PBX3: variants seen among roughly 807,000 people sequenced by gnomAD.
PBX3 encodes PBX homeobox 3, also known as pre-B-cell leukemia transcription factor 3.
A neutral mutation model predicts 48.5 loss-of-function variants in PBX3; 14 were observed. The ratio of observed to expected loss-of-function variants is 0.29; its 90% CI spans 0.19 to 0.45. The LOEUF (loss-of-function observed/expected upper bound fraction) is 0.45, where lower values mean the gene tolerates loss of function less well. PBX3 is among the 20% of genes least tolerant of loss of function. The pLI is 1.00. For missense variants in PBX3, 386 were observed against 546.7 expected (o/e 0.71, Z 2.93); for synonymous variants, 210 against 200.3 (o/e 1.05, Z -0.41).
At chr9:125,770,217 A>G (rs946102824) in intron 2 of PBX3, among the ~76,000 whole-genome samples, 1 of 152,202 alleles carries the variant, frequency 6.6e-6, no homozygotes, top group African/African-American at 2.4e-5. Flanking sequence ...TTCAGAAATA[A>G]CAGTAAAGCC....
intron 2 of PBX3, among the ~76,000 whole-genome samples, chr9:125,913,749 A>T (rs1320830677): frequency 6.6e-6 from 1 of 152,156 alleles, no homozygotes; most frequent in Admixed American, 6.5e-5. Flanking sequence ...ACCCGGAGGA[A>T]ACTTGAAGGT....
intron 2 of PBX3, among the ~76,000 whole-genome samples, chr9:125,907,326 A>T (rs1472626580): frequency 1.4e-4 from 22 of 152,100 alleles, no homozygotes; most frequent in Non-Finnish European, 2.9e-5. Flanking sequence ...AATGAATATT[A>T]TGAGAAATTA....
chr9:125,923,665 A>C (rs573163725), intron 3 of PBX3, among the ~76,000 whole-genome samples: 133 of 152,262 alleles, frequency 8.7e-4, no homozygotes, highest in Non-Finnish European at 6.9e-4. Flanking sequence ...TCCTGGGCTC[A>C]AGTGATTCTC....
intron 5 of PBX3, chr9:125,949,300 AG>A: frequency 6.5e-7 from 1 of 1,537,810 alleles, no homozygotes; most frequent in Non-Finnish European, 8.8e-7. Flanking sequence ...TGCCTAGTAC[AG>A]GGCCTGGCAT....
intron 2 of PBX3, among the ~76,000 whole-genome samples, chr9:125,800,528 ACT>A (rs1445209977): frequency 3.9e-5 from 6 of 152,060 alleles, no homozygotes; most frequent in Admixed American, 2.6e-4. Context: ...TACATGGAAA[ACT>A]CTGCTATTCC....
intron 3 of PBX3, among the ~76,000 whole-genome samples, chr9:125,928,513 T>A (rs1258313222): frequency 6.6e-6 from 1 of 151,570 alleles, no homozygotes; most frequent in Non-Finnish European, 1.5e-5. Flanking sequence ...TTGCCCAGGC[T>A]GGAGTGCAGT....
chr9:125,775,740 A>G (rs1436033417), intron 2 of PBX3, among the ~76,000 whole-genome samples: 2 of 152,186 alleles, frequency 1.3e-5, no homozygotes, highest in East Asian at 1.9e-4. Flanking sequence ...TTGCAATTCC[A>G]TATGATTTTG....
At chr9:125,945,012 C>T (rs1195541692) in intron 5 of PBX3, among the ~76,000 whole-genome samples, 1 of 152,074 alleles carries the variant, frequency 6.6e-6, no homozygotes, top group African/African-American at 2.4e-5. Flanking sequence ...TGCTTGAGGT[C>T]AGGAGTTCAA....
Position 125,797,190 on chromosome 9 carries a change from T to C in PBX3, c.274+48567T>C, listed in dbSNP as rs79631462. On this transcript the variant is annotated intron_variant, in intron 2 of 8. Transcript: ENST00000373489. ...TTTTAAAAAATGTTTTGAAATGAAATAATCCATAACATAAAGAGCCTAGAT... is the reference window on the plus strand; with the variant it reads ...TTTTAAAAAATGTTTTGAAATGAAACAATCCATAACATAAAGAGCCTAGAT... Among the ~76,000 whole-genome samples, 172 of 152,268 alleles carry C rather than the reference T, an allele frequency of 1.1e-3. 2 individuals carry two copies. In the East Asian group the frequency reaches 0.022, roughly 19 times the overall value.
Position 125,836,949 on chromosome 9 carries a change from A to G in PBX3, c.275-78737A>G, listed in dbSNP as rs367848013. On this transcript the variant is annotated intron_variant, in intron 2 of 8. Transcript: ENST00000373489. ...GCTAGTGGGAACATAAATTGGTACA[A>G]CCTTTCTTTGAGGGCAGTTTGGAAG... Among the ~76,000 whole-genome samples, 26 of 152,326 alleles carry G rather than the reference A, an allele frequency of 1.7e-4. 1 individual carries two copies. In the South Asian group the frequency reaches 2.9e-3, roughly 17 times the overall value.
chr9:125,902,019 A>G (rs1840957354), intron 2 of PBX3, among the ~76,000 whole-genome samples: 1 of 151,430 alleles, frequency 6.6e-6, no homozygotes, highest in South Asian at 2.1e-4. Flanking sequence ...TTTCTTGAAG[A>G]AGCTGCTTTT....
At chr9:125,956,361 A>G (rs924927583) in intron 5 of PBX3, among the ~76,000 whole-genome samples, 3 of 152,230 alleles carry the variant, frequency 2.0e-5, no homozygotes, top group African/African-American at 7.2e-5. Context: ...CTAAGGAGAT[A>G]ATGAGTAAAA....
chr9:125,774,520 G>T (rs537202652), intron 2 of PBX3, among the ~76,000 whole-genome samples: 1 of 152,110 alleles, frequency 6.6e-6, no homozygotes, highest in Admixed American at 6.5e-5. Flanking sequence ...TTTGTGACTG[G>T]CATCTTTCAC....
intron 2 of PBX3, among the ~76,000 whole-genome samples, chr9:125,790,914 TA>T (rs1473653529): frequency 4.6e-5 from 7 of 151,268 alleles, no homozygotes; most frequent in Admixed American, 2.0e-4. Flanking sequence ...CTTACCCTAA[TA>T]TTTTTTTTTT....
At chr9:125,791,933 C>G (rs1191249746) in intron 2 of PBX3, among the ~76,000 whole-genome samples, 1 of 152,058 alleles carries the variant, frequency 6.6e-6, no homozygotes, top group Non-Finnish European at 1.5e-5. Flanking sequence ...CCGTGCTTCC[C>G]ATACAGCCTG....
At chr9:125,848,596 T>A (rs530934887) in intron 2 of PBX3, among the ~76,000 whole-genome samples, 2 of 152,160 alleles carry the variant, frequency 1.3e-5, no homozygotes, top group South Asian at 4.1e-4. Context: ...ACAAATAGTC[T>A]TACTACATTG....
intron 2 of PBX3, among the ~76,000 whole-genome samples, chr9:125,761,204 T>G (rs1836657132): frequency 6.6e-6 from 1 of 151,110 alleles, no homozygotes; most frequent in Admixed American, 6.6e-5. Flanking sequence ...AATAAATAGT[T>G]TCTTTTTTCT....
chr9:125,822,948 G>T (rs1006386144), intron 2 of PBX3, among the ~76,000 whole-genome samples: 15 of 150,558 alleles, frequency 1.0e-4, no homozygotes, highest in Non-Finnish European at 1.6e-4. Flanking sequence ...AACTTGTGGG[G>T]TTTTTTAGTT....
intron 2 of PBX3, among the ~76,000 whole-genome samples, chr9:125,756,873 C>T (rs976356890): frequency 3.9e-5 from 6 of 152,194 alleles, no homozygotes; most frequent in Non-Finnish European, 5.9e-5. Flanking sequence ...TTTAAATTCT[C>T]ACTCCCTTCT....
Sources: gnomAD v4.1 joint callset for allele counts (sites outside exome capture counted in the v4.1 genomes callset) on GRCh38, gnomAD v4.1.1 for gene constraint, MANE v1.5 for transcripts, NCBI Gene and HGNC (gene_info 2026-07-23, HGNC 2026-07-21) for gene names.